Variants in LPO observed in about 807,000 individuals in gnomAD.
The protein encoded by LPO is salivary peroxidase.
Under a neutral mutation model 68.4 loss-of-function variants are expected in LPO, and 70 were observed. The ratio of observed to expected loss-of-function variants is 1.02; its 90% CI spans 0.84 to 1.25. The LOEUF is 1.25. Ranked by LOEUF, LPO falls within the 50% of genes most tolerant of loss-of-function variation. LPO has a pLI of 0.00. For synonymous variants in LPO, 360 were observed against 357.6 expected, an observed-to-expected ratio of 1.01 and a Z score of -0.08; for missense variants, 873 against 908.4, an observed-to-expected ratio of 0.96 and a Z score of 0.50.
Position 58,250,641 on chromosome 17 carries a change from C to T in LPO, c.780+20C>T, listed in dbSNP as rs1969942520. Reference sequence around the variant, plus strand: ...ATCATGGTACGGCCCTGCAGCTAGGCATCTCTGACTAGCCCCTTGCCCACC... The same window carrying T: ...ATCATGGTACGGCCCTGCAGCTAGGTATCTCTGACTAGCCCCTTGCCCACC... On this transcript the variant is annotated intron_variant, in intron 7 of 12. Coordinates refer to ENST00000262290, the MANE Select transcript of LPO (RefSeq NM_006151.3). 1 of 1,610,836 alleles carries T rather than the reference C, an allele frequency of 6.2e-7. No individual in the cohort carries two copies. The highest frequency in any genetic ancestry group is 1.3e-5 in the African/African-American group (1 of 74,844).
intron 5 of LPO, 129 bp from the exon 6 acceptor site, chr17:58,249,437 C>T: frequency 7.2e-7 from 1 of 1,388,448 alleles, no homozygotes; most frequent in East Asian, 2.5e-5. Context: ...TCAGAGACCC[C>T]AAATTTGAGA....
In LPO at chr17:58,249,626, C is replaced by A. The variant is rs1216304052; in HGVS notation, c.504C>A (p.Tyr168Ter). 6.2e-7 allele frequency: 1 copy of A among 1,602,046 alleles called. No individual in the cohort carries two copies. Among genetic ancestry groups the A allele is most frequent in the Admixed American group, 1.7e-5 (1 of 59,676 alleles). Reference protein sequence around the residue: ...RALARWLPAEYEDGLSLPFGW... With the variant: ...RALARWLPAE ...TGGCGCGCTGGCTGCCCGCGGAGTA[C>A]GAGGACGGGCTCTCCCTGCCCTTCG... Residue 168 changes from tyrosine to a stop codon, truncating the protein, a stop_gained, in exon 6 of 13, where the codon TAC becomes TAA. Transcript: ENST00000262290. LOFTEE classifies it high-confidence loss of function.
intron 9 of LPO, among the ~76,000 whole-genome samples, chr17:58,255,315 C>A (rs1429061559): frequency 6.6e-6 from 1 of 152,206 alleles, no homozygotes; most frequent in Admixed American, 6.5e-5. Flanking sequence ...TGATTTGATT[C>A]TCTTCCTTTT....
intron 1 of LPO, among the ~76,000 whole-genome samples, chr17:58,240,096 A>G (rs1306740073): frequency 6.6e-6 from 1 of 152,262 alleles, no homozygotes; most frequent in Non-Finnish European, 1.5e-5. Flanking sequence ...GTGGGAGGAC[A>G]GAAAAAGGAA....
chr17:58,267,464 C>T lies in LPO; in HGVS notation c.1809C>T (p.Thr603=), dbSNP rs1362501137. The change falls in exon 12 of 13, where the codon ACC becomes ACT. Residue 603 remains threonine (T), a synonymous_variant. Coordinates refer to ENST00000262290, the MANE Select transcript of LPO (RefSeq NM_006151.3). ...LAKKLLGLYG[T]PDNIDIWIGA... ...AGAAGTTACTGGGTCTCTACGGGAC[C>T]CCTGACAACATCGACATCTGGATAG... 1 of 1,614,208 alleles carries T rather than the reference C, an allele frequency of 6.2e-7. No individual in the cohort carries two copies. Among genetic ancestry groups the T allele is most frequent in the Non-Finnish European group, 8.5e-7 (1 of 1,180,032 alleles).
rs1048790979 is a variant in LPO at position 58,265,060 on chromosome 17, A to G, written c.1519+86A>G. On this transcript the variant is annotated intron_variant, in intron 10 of 12. Transcript: ENST00000262290. ...AAACTTGGGTTGGAAGTCAGATTCCAAGCACTTTTACATGACCTTGGGCAA... is the reference window on the plus strand; with the variant it reads ...AAACTTGGGTTGGAAGTCAGATTCCGAGCACTTTTACATGACCTTGGGCAA... 11 of 1,552,650 alleles carry G rather than the reference A, an allele frequency of 7.1e-6. No individual in the cohort carries two copies. The African/African-American group carries it at 1.5e-4, about 21-fold the overall frequency.
At position 58,266,181 on chromosome 17, in the gene LPO, G is replaced by A; in HGVS notation, c.1548G>A (p.Leu516=). The A allele has an allele frequency of 6.2e-7, 1 of 1,614,068 alleles. No homozygotes were observed. ...DGGIDPLVRG[L]LAKKSKLMKQ... is the part of the protein sequence containing the mutation. Reference sequence around the variant, plus strand: ...GAATTGATCCTCTGGTGCGGGGCCTGCTGGCCAAGAAATCCAAGCTGATGA... The same window carrying A: ...GAATTGATCCTCTGGTGCGGGGCCTACTGGCCAAGAAATCCAAGCTGATGA... Residue 516 remains leucine, a synonymous_variant, in exon 11 of 13, where the codon CTG becomes CTA. Coordinates refer to ENST00000262290, the MANE Select transcript of LPO (RefSeq NM_006151.3).
rs185745759 is a variant in LPO at position 58,243,591 on chromosome 17, T to C, written c.77-403T>C. On this transcript the variant is annotated intron_variant, in intron 2 of 12. Transcript: ENST00000262290. Reference sequence around the variant, plus strand: ...ACAGGGAATCCCACCATTACTCTCATGCCATCCCCTTCTGTACGTCAGGGT... The same window carrying C: ...ACAGGGAATCCCACCATTACTCTCACGCCATCCCCTTCTGTACGTCAGGGT... The C allele has an allele frequency of 2.5e-4, 67 of 263,810 alleles. No individual in the cohort carries two copies. In the East Asian group the frequency reaches 6.7e-3, roughly 26 times the overall value. The allele number at this position is 263,810 out of a possible 1,614,324, so 16.3% of individuals were successfully genotyped here.
chr17:58,259,030 T>G (rs766508938), intron 9 of LPO, among the ~76,000 whole-genome samples: 3 of 43,948 alleles, frequency 6.8e-5, no homozygotes, highest in Admixed American at 4.2e-4. Context: ...TTGGTGGGGG[T>G]TTTTTTTTTC....
At chr17:58,246,723 G>A (rs891760412) in intron 3 of LPO, among the ~76,000 whole-genome samples, 2 of 152,158 alleles carry the variant, frequency 1.3e-5, no homozygotes, top group East Asian at 1.9e-4. Flanking sequence ...TCTGGGACCC[G>A]GCTGATGGAG....
At chr17:58,267,722 C>A (rs1970299522) in intron 12 of LPO, 65 bp from the exon 13 acceptor site, 3 of 1,524,012 alleles carry the variant, frequency 2.0e-6, no homozygotes, top group Admixed American at 3.4e-5. Flanking sequence ...CTTTCCTTCC[C>A]CTGTGACAGA....
chr17:58,264,600 T>C (rs557655106), intron 9 of LPO, 122 bp from the exon 10 acceptor site: 3 of 925,046 alleles, frequency 3.2e-6, no homozygotes, highest in Admixed American at 4.0e-5. Flanking sequence ...ACATATGCTA[T>C]CCATTTGCCA....
chr17:58,258,555 A>ACT (rs1349642431), intron 9 of LPO, among the ~76,000 whole-genome samples: 4 of 152,220 alleles, frequency 2.6e-5, no homozygotes, highest in Non-Finnish European at 5.9e-5. Context: ...TCTGTACTAT[A>ACT]ACTTGAAGTC....
Position 58,267,344 on chromosome 17 carries a change from C to T in LPO, c.1694-5C>T, listed in dbSNP as rs748387595. 6.2e-7 allele frequency: 1 copy of T among 1,612,230 alleles called. No individual in the cohort carries two copies. The highest frequency in any genetic ancestry group is 8.5e-7 in the Non-Finnish European group (1 of 1,178,414). On this transcript the variant is annotated splice_polypyrimidine_tract_variant and splice_region_variant and intron_variant, in intron 11 of 12. Coordinates refer to ENST00000262290, the MANE Select transcript of LPO (RefSeq NM_006151.3). ...GATGAGACAGCCTCAGTCTCTCCAC[C>T]CTAGGGTACAATTCCTGGAGAGCCT...
chr17:58,242,355 T>C (rs1259894350), intron 1 of LPO, among the ~76,000 whole-genome samples: 1 of 152,224 alleles, frequency 6.6e-6, no homozygotes, highest in African/African-American at 2.4e-5. Flanking sequence ...CATAACTTTC[T>C]TTCAGTATTG....
At chr17:58,253,022 C>CAAAAAAAAAAAAAAAAAAAAAAAAAAA (rs765890765) in intron 8 of LPO, among the ~76,000 whole-genome samples, 3 of 31,104 alleles carry the variant, frequency 9.6e-5, no homozygotes, top group African/African-American at 1.3e-4. Flanking sequence ...GACTCCATCT[C>CAAAAAAAAAAAAAAAAAAAAAAAAAAA]AAAAAAAAAA....
At chr17:58,246,255 G>A (rs368893532) in intron 3 of LPO, among the ~76,000 whole-genome samples, 2 of 152,256 alleles carry the variant, frequency 1.3e-5, no homozygotes, top group African/African-American at 4.8e-5. Flanking sequence ...GGAGGATCAC[G>A]CATAAGGTGA....
chr17:58,257,380 G>A (rs190331864), intron 9 of LPO, among the ~76,000 whole-genome samples: 1 of 152,204 alleles, frequency 6.6e-6, no homozygotes, highest in Non-Finnish European at 1.5e-5. Flanking sequence ...ACAAATAAGT[G>A]AGAACATGCC....
chr17:58,263,444 AT>A (rs1300137023), intron 9 of LPO, among the ~76,000 whole-genome samples: 1 of 152,106 alleles, frequency 6.6e-6, no homozygotes, highest in Non-Finnish European at 1.5e-5. Flanking sequence ...TCCTATTTAA[AT>A]TTTCTATTTT....
Sources: allele counts gnomAD v4.1 joint callset (sites outside exome capture counted in the v4.1 genomes callset), GRCh38; gene constraint gnomAD v4.1.1; transcripts MANE v1.5; gene names NCBI Gene and HGNC (gene_info 2026-07-23, HGNC 2026-07-21).